The following GRIP1 variants were observed in gnomAD, a reference collection of about 807,000 sequenced individuals.
The protein encoded by GRIP1 is glutamate receptor-interacting protein 1.
GRIP1 carries 45 observed loss-of-function variants against 129.9 expected under a neutral mutation model. The observed-to-expected ratio is 0.35, with a 90% CI of 0.27 to 0.44. The LOEUF (loss-of-function observed/expected upper bound fraction) is 0.44. GRIP1 is among the 20% of genes least tolerant of loss of function. The pLI is 1.00. For synonymous variants in GRIP1, 530 were observed against 520.8 expected, an observed-to-expected ratio of 1.02 and a Z score of -0.24; for missense variants, 1,196 against 1,396.8, an observed-to-expected ratio of 0.86 and a Z score of 2.29.
intron 23 of GRIP1, among the ~76,000 whole-genome samples, chr12:66,366,460 C>T (rs1339902906): frequency 6.6e-6 from 1 of 152,192 alleles, no homozygotes; most frequent in Non-Finnish European, 1.5e-5. Flanking sequence ...GGGGAAAAGG[C>T]GATGGTAGCA....
In GRIP1 at chr12:66,407,235, C is replaced by T. The variant is rs1441548379; in HGVS notation, c.1839-807G>A. Among the ~76,000 whole-genome samples, 8 of 151,134 alleles carry T rather than the reference C, an allele frequency of 5.3e-5. No homozygotes were observed. In the South Asian group the frequency reaches 1.5e-3, roughly 27 times the overall value. ...GCCCCAGACTCTCTGGGGACCCTCC[C>T]CACCTCCTGCCTGTAGCTAGAAAAT... On this transcript the variant is annotated intron_variant, in intron 15 of 24. Coordinates refer to ENST00000359742, the MANE Select transcript of GRIP1 (RefSeq NM_001366722.1).
intron 1 of GRIP1, among the ~76,000 whole-genome samples, chr12:66,751,346 C>T (rs1436179062): frequency 3.3e-5 from 5 of 152,226 alleles, no homozygotes; most frequent in African/African-American, 4.8e-5. Context: ...TGGCTCTTAA[C>T]GGATGCTCAA....
At chr12:66,678,577 A>G (rs889659285) in intron 1 of GRIP1, among the ~76,000 whole-genome samples, 13 of 152,132 alleles carry the variant, frequency 8.5e-5, no homozygotes, top group African/African-American at 3.1e-4. Flanking sequence ...CACCGGACCC[A>G]AACACATTCT....
chr12:66,834,632 G>A (rs959774234), intron 1 of GRIP1, among the ~76,000 whole-genome samples: 1 of 152,164 alleles, frequency 6.6e-6, no homozygotes, highest in African/African-American at 2.4e-5. Context: ...ACTTTAAAGT[G>A]CCTGAGGTTT....
At chr12:66,995,357 T>G (rs1296467390) in intron 1 of GRIP1, among the ~76,000 whole-genome samples, 1 of 151,994 alleles carries the variant, frequency 6.6e-6, no homozygotes, top group Non-Finnish European at 1.5e-5. Context: ...ATGAACTTCA[T>G]CAAAATTTAA....
intron 1 of GRIP1, among the ~76,000 whole-genome samples, chr12:66,667,293 A>G (rs1199799625): frequency 6.6e-6 from 1 of 152,086 alleles, no homozygotes; most frequent in Non-Finnish European, 1.5e-5. Context: ...TGAATTCTGT[A>G]TATTTCTCTT....
chr12:66,605,380 A>C (rs1460035115), intron 1 of GRIP1, among the ~76,000 whole-genome samples: 1 of 152,194 alleles, frequency 6.6e-6, no homozygotes, highest in Non-Finnish European at 1.5e-5. Flanking sequence ...CTTTTACATG[A>C]CATTACTGCA....
chr12:66,930,716 C>G (rs1472315606), intron 1 of GRIP1, among the ~76,000 whole-genome samples: 1 of 152,162 alleles, frequency 6.6e-6, no homozygotes, highest in African/African-American at 2.4e-5. Context: ...CTTGATGACT[C>G]TTTCCCTTAA....
intron 20 of GRIP1, among the ~76,000 whole-genome samples, chr12:66,378,066 A>G (rs2055898498): frequency 6.6e-6 from 1 of 152,108 alleles, no homozygotes; most frequent in South Asian, 2.1e-4. Context: ...AAATGGTAAA[A>G]TATACTTTGC....
chr12:66,355,506 T>A (rs894927025), intron 23 of GRIP1, among the ~76,000 whole-genome samples: 1 of 152,136 alleles, frequency 6.6e-6, no homozygotes, highest in African/African-American at 2.4e-5. Context: ...ACATAAAGGG[T>A]GTGTGGGGTT....
chr12:66,451,894 C>A (rs1238628112), intron 11 of GRIP1, among the ~76,000 whole-genome samples: 4 of 152,204 alleles, frequency 2.6e-5, no homozygotes, highest in Non-Finnish European at 5.9e-5. Flanking sequence ...CTTATAAAAG[C>A]TTACCAGTAG....
At chr12:66,655,211 G>A (rs2033070390) in intron 1 of GRIP1, among the ~76,000 whole-genome samples, 1 of 152,154 alleles carries the variant, frequency 6.6e-6, no homozygotes, top group South Asian at 2.1e-4. Context: ...TCCTCCTGCT[G>A]TGCACTTTTA....
intron 1 of GRIP1, among the ~76,000 whole-genome samples, chr12:66,989,064 T>C (rs1389006935): frequency 6.6e-6 from 1 of 152,168 alleles, no homozygotes; most frequent in African/African-American, 2.4e-5. Flanking sequence ...AGAAAGATAT[T>C]ATTAGTCTCA....
chr12:66,878,557 G>A (rs1014667632), intron 1 of GRIP1, among the ~76,000 whole-genome samples: 2 of 152,048 alleles, frequency 1.3e-5, no homozygotes, highest in Non-Finnish European at 2.9e-5. Flanking sequence ...GAAAATAAAG[G>A]TCAATGTGAA....
At chr12:66,639,172 T>C (rs2136075949) in intron 1 of GRIP1, among the ~76,000 whole-genome samples, 2 of 152,298 alleles carry the variant, frequency 1.3e-5, no homozygotes, top group South Asian at 4.1e-4. Context: ...CCTATTACTA[T>C]TAGTATACCA....
intron 1 of GRIP1, among the ~76,000 whole-genome samples, chr12:66,926,641 A>G (rs1048007276): frequency 4.6e-5 from 7 of 152,214 alleles, no homozygotes; most frequent in African/African-American, 1.4e-4. Context: ...TTAGTCTTCA[A>G]TTTGCATATT....
chr12:66,950,517 T>C (rs1021779273), intron 1 of GRIP1, among the ~76,000 whole-genome samples: 1 of 152,134 alleles, frequency 6.6e-6, no homozygotes, highest in Non-Finnish European at 1.5e-5. Context: ...AATAAATTTT[T>C]CACAGCTGTG....
chr12:66,781,491 T>A (rs762357769), intron 1 of GRIP1, among the ~76,000 whole-genome samples: 3 of 152,176 alleles, frequency 2.0e-5, no homozygotes, highest in Non-Finnish European at 2.9e-5. Flanking sequence ...ATACAGTTCA[T>A]ATACCAAAAA....
chr12:66,922,028 A>C (rs2041221877), intron 1 of GRIP1, among the ~76,000 whole-genome samples: 1 of 152,210 alleles, frequency 6.6e-6, no homozygotes. Context: ...ATATGAAATA[A>C]ATCATGCTTG....
Sources: allele counts gnomAD v4.1 joint callset (sites outside exome capture counted in the v4.1 genomes callset), GRCh38; gene constraint gnomAD v4.1.1; transcripts MANE v1.5; gene names NCBI Gene and HGNC (gene_info 2026-07-23, HGNC 2026-07-21).